CADPS2: variants seen among roughly 807,000 people sequenced by gnomAD.
CADPS2 encodes calcium-dependent secretion activator 2.
CADPS2 carries 93 observed loss-of-function variants against 172.5 expected under a neutral mutation model. That is an observed-to-expected ratio of 0.54 (90% CI 0.46 to 0.64). The LOEUF (loss-of-function observed/expected upper bound fraction) is 0.64, where lower values mean the gene tolerates loss of function less well. CADPS2 is among the 30% of genes least tolerant of loss of function. The pLI is 0.00. For synonymous variants in CADPS2, 546 were observed against 555.2 expected (o/e 0.98, Z 0.23); for missense variants, 1,420 against 1,565.9 (o/e 0.91, Z 1.57).
chr7:122,419,866 C>G (rs1006925332), intron 17 of CADPS2, among the ~76,000 whole-genome samples: 8 of 152,072 alleles, frequency 5.3e-5, no homozygotes, highest in African/African-American at 1.9e-4. Context: ...TGAATCTTTG[C>G]CTAACTCTGC....
intron 8 of CADPS2, among the ~76,000 whole-genome samples, chr7:122,535,940 A>G (rs2062221559): frequency 6.6e-6 from 1 of 152,120 alleles, no homozygotes; most frequent in Non-Finnish European, 1.5e-5. Flanking sequence ...CTAGACTATT[A>G]GCACCATATC....
chr7:122,683,358 CA>C (rs1222799076), intron 2 of CADPS2, among the ~76,000 whole-genome samples: 1 of 152,036 alleles, frequency 6.6e-6, no homozygotes, highest in Non-Finnish European at 1.5e-5. Flanking sequence ...TGTGGCAGGC[CA>C]AAAAGGCAAC....
At chr7:122,513,456 C>T (rs2060142190) in intron 8 of CADPS2, 141 bp from the exon 9 acceptor site, 2 of 629,656 alleles carry the variant, frequency 3.2e-6, no homozygotes, top group African/African-American at 3.7e-5. Context: ...AGTGAGACAA[C>T]CTGCAGCTTC....
intron 4 of CADPS2, among the ~76,000 whole-genome samples, chr7:122,623,793 TA>T (rs572924147): frequency 5.2e-4 from 79 of 152,236 alleles, no homozygotes; most frequent in African/African-American, 1.9e-3. Context: ...ATTCTACCCC[TA>T]AAAAAGTAGA....
At chr7:122,588,677 C>T (rs561123697) in intron 6 of CADPS2, among the ~76,000 whole-genome samples, 1 of 151,824 alleles carries the variant, frequency 6.6e-6, no homozygotes, top group South Asian at 2.1e-4. Flanking sequence ...AAAATCTTTC[C>T]AAAAGTTTCC....
intron 15 of CADPS2, among the ~76,000 whole-genome samples, chr7:122,449,496 CT>C (rs2052764154): frequency 6.6e-6 from 1 of 151,842 alleles, no homozygotes; most frequent in Non-Finnish European, 1.5e-5. Flanking sequence ...TTTAGTTTTT[CT>C]TTTTTGTAGA....
At chr7:122,503,399 G>A (rs562524119) in intron 9 of CADPS2, among the ~76,000 whole-genome samples, 5 of 151,686 alleles carry the variant, frequency 3.3e-5, no homozygotes, top group Non-Finnish European at 5.9e-5. Flanking sequence ...TATTGAACAC[G>A]TTACTGAATG....
chr7:122,475,391 A>G (rs1269614125), intron 12 of CADPS2, among the ~76,000 whole-genome samples: 1 of 152,200 alleles, frequency 6.6e-6, no homozygotes, highest in African/African-American at 2.4e-5. Context: ...CACAATGGTA[A>G]AACTGAAACT....
intron 20 of CADPS2, among the ~76,000 whole-genome samples, chr7:122,401,583 T>TATTTGTA (rs2045961758): frequency 1.3e-5 from 2 of 152,232 alleles, no homozygotes; most frequent in Non-Finnish European, 2.9e-5. Context: ...TTATAGTCAC[T>TATTTGTA]CAGTATCATT....
chr7:122,342,380 T>C (rs192531689), intron 28 of CADPS2, among the ~76,000 whole-genome samples: 74 of 152,238 alleles, frequency 4.9e-4, no homozygotes, highest in African/African-American at 1.4e-3. Context: ...AATCCTGGGG[T>C]ATTTCATCAC....
Position 122,406,474 on chromosome 7 carries a change from A to C in CADPS2, c.2746+1066T>G, listed in dbSNP as rs190935444. Among the ~76,000 whole-genome samples the C allele has an allele frequency of 1.8e-3, 276 of 152,312 alleles. 2 individuals are homozygous for C. The highest frequency in any genetic ancestry group is 6.2e-3 in the African/African-American group (258 of 41,568). ...GAGCAGACTTGGGCTGCAGGAAGACAGGGAAGAAGGAAGGAAAGCACCTCT... is the reference window on the plus strand; with the variant it reads ...GAGCAGACTTGGGCTGCAGGAAGACCGGGAAGAAGGAAGGAAAGCACCTCT... On this transcript the variant is annotated intron_variant, in intron 20 of 29. Coordinates refer to ENST00000449022, the MANE Select transcript of CADPS2 (RefSeq NM_017954.11).
chr7:122,487,178 T>A (rs1369684379), intron 11 of CADPS2, among the ~76,000 whole-genome samples: 1 of 151,900 alleles, frequency 6.6e-6, no homozygotes, highest in Non-Finnish European at 1.5e-5. Flanking sequence ...GCTCAGCTAA[T>A]TTTGCATTTT....
intron 20 of CADPS2, 146 bp downstream of exon 20, chr7:122,407,394 A>C: frequency 1.2e-6 from 1 of 831,252 alleles, no homozygotes; most frequent in Non-Finnish European, 1.8e-6. Context: ...CTCTGGCCTG[A>C]CATAATCGGG....
At chr7:122,656,716 A>G (rs1289970679) in intron 3 of CADPS2, among the ~76,000 whole-genome samples, 1 of 152,182 alleles carries the variant, frequency 6.6e-6, no homozygotes. Context: ...CCTGGGGCAG[A>G]GTCCTTAGGG....
chr7:122,606,064 C>A (rs555822451), intron 6 of CADPS2, among the ~76,000 whole-genome samples: 32 of 152,302 alleles, frequency 2.1e-4, no homozygotes, highest in African/African-American at 7.5e-4. Context: ...TCTTTGCCAA[C>A]TTTACTGAAA....
At chr7:122,705,384 C>T (rs1259265315) in intron 2 of CADPS2, among the ~76,000 whole-genome samples, 1 of 144,032 alleles carries the variant, frequency 6.9e-6, no homozygotes, top group Non-Finnish European at 1.5e-5. Context: ...TTGAATTTTG[C>T]AGGTAGGTTA....
rs146005316 is a variant in CADPS2, at chr7:122,885,724, C to T, written c.339+275G>A. On this transcript the variant is annotated intron_variant, in intron 1 of 29. Transcript: ENST00000449022. ...CAGAGCTGCGCCTGCCGGGTGCAAC[C>T]GCGGCGCGGCCGGCGCTGTCGGTCT... 3.0e-3 allele frequency among the ~76,000 whole-genome samples: 461 copies of T among 152,200 alleles called. 2 individuals are homozygous for T. Among genetic ancestry groups the T allele is most frequent in the African/African-American group, 0.01 (431 of 41,538 alleles).
intron 28 of CADPS2, among the ~76,000 whole-genome samples, chr7:122,334,026 T>G (rs1365579337): frequency 6.6e-6 from 1 of 152,054 alleles, no homozygotes; most frequent in Non-Finnish European, 1.5e-5. Context: ...AAATACACGT[T>G]AAAGCTGTAG....
chr7:122,825,981 C>G (rs1303257313), intron 1 of CADPS2, among the ~76,000 whole-genome samples: 2 of 152,188 alleles, frequency 1.3e-5, no homozygotes, highest in South Asian at 2.1e-4. Flanking sequence ...CAAGCTACAA[C>G]TATGGTGCAC....
Sources: allele counts gnomAD v4.1 joint callset (sites outside exome capture counted in the v4.1 genomes callset), GRCh38; gene constraint gnomAD v4.1.1; transcripts MANE v1.5; gene names NCBI Gene and HGNC (gene_info 2026-07-23, HGNC 2026-07-21).